Variants in CHD5 observed in about 807,000 individuals in gnomAD.
CHD5 encodes chromodomain helicase DNA binding protein 5, also known as ATP-dependent chromatin remodeler CHD5.
CHD5 carries 69 observed loss-of-function variants against 230.3 expected under a neutral mutation model. The observed-to-expected ratio is 0.30, with a 90% CI of 0.25 to 0.37. The LOEUF is 0.37. CHD5 is among the 10% of genes least tolerant of loss of function. The probability of loss-of-function intolerance (pLI) is 1.00; values close to 1 mark genes in which losing one functional copy is unlikely to be tolerated. For synonymous variants in CHD5, 1,064 were observed against 1,065.9 expected, an observed-to-expected ratio of 1.00 and a Z score of 0.03; for missense variants, 1,827 against 2,622.8, an observed-to-expected ratio of 0.70 and a Z score of 6.63.
Position 6,134,137 on chromosome 1 carries a change from G to A in CHD5, c.3135C>T (p.Ile1045=), listed in dbSNP as rs1666702033. ...GGCAGGGGCAGCGCACCTGGGAGAAGATGAGCACACGGTGCCCCTCATCCC... is the reference window on the plus strand; with the variant it reads ...GGCAGGGGCAGCGCACCTGGGAGAAAATGAGCACACGGTGCCCCTCATCCC... ...KLRDEGHRVL[I]FSQMTKMLDL... Residue 1045 remains isoleucine (I), a synonymous_variant, in exon 20 of 42, where the codon ATC becomes ATT. Transcript: ENST00000262450. The surrounding 1 kb of genome is among the most constrained non-coding windows in gnomAD (Gnocchi z 6.3). 2 of 1,612,958 alleles carry A rather than the reference G, an allele frequency of 1.2e-6. No homozygotes were observed. The highest frequency in any genetic ancestry group is 1.7e-6 in the Non-Finnish European group (2 of 1,179,908).
At position 6,148,821 on chromosome 1, in the gene CHD5, G is replaced by C. The variant is rs377332735; in HGVS notation, c.1383+33C>G. 4.7e-4 allele frequency: 688 copies of C among 1,465,972 alleles called. 3 individuals are homozygous for C. The highest frequency in any genetic ancestry group is 6.1e-4 in the Non-Finnish European group (673 of 1,103,190). The allele number at this position is 1,465,972 out of a possible 1,614,324, so 90.8% of individuals were successfully genotyped here. A position where few individuals can be genotyped will look rare whatever the true frequency, so the allele number is the denominator to read the frequency against. The stretch of plus-strand genomic sequence containing the variant: ...CGGGGCCTGTTCCTGGGGTGGGGCG[G>C]GGCGTCCGGCGCGGGGCGGGCGGAA... On this transcript the variant is annotated intron_variant, in intron 9 of 41. Transcript: ENST00000262450.
chr1:6,142,609 C>T lies in CHD5; in HGVS notation c.2044-4G>A, dbSNP rs1186673797. ...GCTTGTCGAACTTGACCGTGGGCTG[C>T]AGGGGAGGCAGCGGTTCAGACACGC... On this transcript the variant is annotated splice_region_variant and splice_polypyrimidine_tract_variant and intron_variant, in intron 13 of 41. Transcript: ENST00000262450. The surrounding 1 kb of genome is among the most constrained non-coding windows in gnomAD (Gnocchi z 5.2). The T allele has an allele frequency of 1.9e-6, 3 of 1,607,622 alleles. No individual in the cohort carries two copies. The East Asian group carries it at 6.7e-5, about 36-fold the overall frequency.
chr1:6,129,244 C>G lies in CHD5; in HGVS notation c.3388-175G>C, dbSNP rs780036901. Among the ~76,000 whole-genome samples the G allele has an allele frequency of 2.6e-5, 4 of 152,124 alleles. No individual in the cohort carries two copies. The highest frequency in any genetic ancestry group is 5.9e-5 in the Non-Finnish European group (4 of 68,016). ...TGCAGCTGGGCTCCCTCCCTGACTG[C>G]GGAGCCTCCCACAAGCCTGGGTGCC... On this transcript the variant is annotated intron_variant, in intron 22 of 41. Transcript: ENST00000262450. This position sits in a 1 kb window ranked among gnomAD's most constrained non-coding sequence, Gnocchi z 6.8.
chr1:6,158,626 T>C (rs1261576429), intron 3 of CHD5, among the ~76,000 whole-genome samples: 1 of 151,062 alleles, frequency 6.6e-6, no homozygotes, highest in Non-Finnish European at 1.5e-5. Flanking sequence ...AAACTCCTTC[T>C]AAAAAAGAAA....
rs1398709939 is a variant in CHD5, at chr1:6,127,958, G to A, written c.3903+88C>T. The A allele has an allele frequency of 3.3e-6, 4 of 1,198,160 alleles. No individual in the cohort carries two copies. In the East Asian group the frequency reaches 7.8e-5, roughly 23 times the overall value. 74.2% of individuals were successfully genotyped at this position (1,198,160 alleles called of 1,614,324 possible). ...AGGGCTGGCTGCGGCGGGAGGGCGGGGTCACAGTGGAAGGCGTGGACACAG... is the reference window on the plus strand; with the variant it reads ...AGGGCTGGCTGCGGCGGGAGGGCGGAGTCACAGTGGAAGGCGTGGACACAG... On this transcript the variant is annotated intron_variant, in intron 25 of 41. Transcript: ENST00000262450.
At chr1:6,122,968 G>A (rs1666494786) in intron 31 of CHD5, among the ~76,000 whole-genome samples, 1 of 152,118 alleles carries the variant, frequency 6.6e-6, no homozygotes, top group East Asian at 1.9e-4. Context: ...TACTCGGGAA[G>A]CTGAGGCAGG....
intron 18 of CHD5, 111 bp downstream of exon 18, chr1:6,135,119 C>T (rs368976821): frequency 2.1e-4 from 274 of 1,285,852 alleles, no homozygotes; most frequent in East Asian, 2.1e-3. Context: ...AAGCATTAGC[C>T]GAGACCTCAG....
At chr1:6,111,302 G>A (rs895977679) in intron 36 of CHD5, among the ~76,000 whole-genome samples, 12 of 151,814 alleles carry the variant, frequency 7.9e-5, no homozygotes, top group African/African-American at 2.9e-4. Context: ...GGGAGGCCAA[G>A]GTGGGTGGAT....
chr1:6,138,660 T>G (rs1221791610), intron 15 of CHD5, among the ~76,000 whole-genome samples: 3 of 152,212 alleles, frequency 2.0e-5, no homozygotes, highest in African/African-American at 7.2e-5. Context: ...TCTCCTCGCC[T>G]ATCTAGGTGA....
At chr1:6,109,040 C>T (rs1005403009) in intron 38 of CHD5, among the ~76,000 whole-genome samples, 8 of 152,110 alleles carry the variant, frequency 5.3e-5, no homozygotes, top group African/African-American at 1.9e-4. Context: ...ACCAGGCCCT[C>T]CCAAGCTGCA....
rs1666999844 is a variant in CHD5 at position 6,151,050 on chromosome 1, T to G, written c.976A>C (p.Arg326=). 1 of 1,574,922 alleles carries G rather than the reference T, an allele frequency of 6.3e-7. No homozygotes were observed. Among genetic ancestry groups the G allele is most frequent in the African/African-American group, 1.4e-5 (1 of 74,040 alleles). The part of the protein sequence containing the change: ...SAALGKKSKR[R]RKKKRIDDGD... ...GTCATACTCCTCTTCTTCTTGCGCC[T>G]CCTCTTGCTCTTCTTGCCCAGGGCT... The change falls in exon 7 of 42, where the codon AGG becomes CGG. Residue 326 remains arginine (R), a synonymous_variant. Coordinates refer to ENST00000262450, the MANE Select transcript of CHD5 (RefSeq NM_015557.3).
Position 6,123,997 on chromosome 1 carries a change from T to C in CHD5, c.4650A>G (p.Pro1550=), listed in dbSNP as rs923215080. The change falls in exon 31 of 42, where the codon CCA becomes CCG. Residue 1550 remains proline, a synonymous_variant. Transcript: ENST00000262450. ...GGAGGTGGGCAGGGCTGGCGGGCAC[T>C]GGTGTGTTGGGGTCCGAGGAGATCA... ...GEVISSDPNT[P]VPASPAHLLP... 48 of 1,609,442 alleles carry C rather than the reference T, an allele frequency of 3.0e-5. No individual in the cohort carries two copies. Among genetic ancestry groups the C allele is most frequent in the Non-Finnish European group, 3.8e-5 (45 of 1,178,854 alleles).
chr1:6,106,129 G>C, intron 41 of CHD5, 105 bp downstream of exon 41: 1 of 1,065,812 alleles, frequency 9.4e-7, no homozygotes, highest in Non-Finnish European at 1.4e-6. Flanking sequence ...AAAGCTCCAG[G>C]ACTTAGGGAC....
In CHD5 at chr1:6,125,632, A is replaced by G. The variant is rs1247145674; in HGVS notation, c.4172-20T>C. 15 of 1,613,090 alleles carry G rather than the reference A, an allele frequency of 9.3e-6. No homozygotes were observed. The highest frequency in any genetic ancestry group is 1.3e-5 in the Non-Finnish European group (15 of 1,179,334). On this transcript the variant is annotated intron_variant, in intron 27 of 41. Transcript: ENST00000262450. This position sits in a 1 kb window ranked among gnomAD's most constrained non-coding sequence, Gnocchi z 6.7. ...GTCCACCTGGGGAGCAGCCCGCCAC[A>G]GTTCCTCAGGTGGGAGCCCAGAGAT...
At chr1:6,114,511 C>T (rs192869485) in intron 33 of CHD5, among the ~76,000 whole-genome samples, 43 of 151,228 alleles carry the variant, frequency 2.8e-4, no homozygotes, top group African/African-American at 1.0e-3. Flanking sequence ...CACATAAACA[C>T]ACACACACAC....
At chr1:6,169,217 A>G (rs57673570) in intron 1 of CHD5, among the ~76,000 whole-genome samples, 11,401 of 152,238 alleles carry the variant, frequency 0.075, 595 homozygotes, top group East Asian at 0.18. Context: ...CTGTGCACAC[A>G]CAGGCACACA....
chr1:6,108,780 G>C (rs1296240818), intron 38 of CHD5, among the ~76,000 whole-genome samples: 1 of 150,662 alleles, frequency 6.6e-6, no homozygotes, highest in Admixed American at 6.6e-5. Context: ...AAGAATTATG[G>C]AGGGATGGAA....
chr1:6,118,903 G>A (rs1257009788), intron 33 of CHD5, among the ~76,000 whole-genome samples: 1 of 151,628 alleles, frequency 6.6e-6, no homozygotes, highest in Non-Finnish European at 1.5e-5. Context: ...TCACCATGTC[G>A]GCCAGGCTGG....
chr1:6,178,258 G>A (rs912370472), intron 1 of CHD5, among the ~76,000 whole-genome samples: 3 of 151,824 alleles, frequency 2.0e-5, no homozygotes, highest in African/African-American at 7.3e-5. Context: ...GCAGTGAGTC[G>A]GGTGCCTACT....
Sources: gnomAD v4.1 joint callset for allele counts (sites outside exome capture counted in the v4.1 genomes callset) on GRCh38, gnomAD v4.1.1 for gene constraint, Gnocchi (gnomAD v3.1) non-coding constraint, MANE v1.5 for transcripts, NCBI Gene and HGNC (gene_info 2026-07-23, HGNC 2026-07-21) for gene names.